Variants in KCNH3 observed in about 807,000 individuals in gnomAD.
KCNH3 encodes the protein voltage-gated inwardly rectifying potassium channel KCNH3.
In KCNH3, 36 loss-of-function variants were observed where a neutral mutation model predicts 95.6. That is an observed-to-expected ratio of 0.38 (90% CI 0.29 to 0.50). The LOEUF (loss-of-function observed/expected upper bound fraction) is 0.50. Among genes scored for constraint, KCNH3 ranks in the 20% least tolerant of loss-of-function variants. KCNH3 has a pLI of 0.95. For missense variants in KCNH3, 1,030 were observed against 1,484.1 expected, an observed-to-expected ratio of 0.69 and a Z score of 5.03; for synonymous variants, 620 against 646.3, an observed-to-expected ratio of 0.96 and a Z score of 0.62.
chr12:49,539,519 C>A lies in KCNH3; in HGVS notation c.76+27C>A, dbSNP rs372185249. 25 of 1,574,262 alleles carry A rather than the reference C, an allele frequency of 1.6e-5. No individual in the cohort carries two copies. In the African/African-American group the frequency reaches 2.6e-4, roughly 17 times the overall value. On this transcript the variant is annotated intron_variant, in intron 1 of 14. Transcript: ENST00000257981. This position sits in a 1 kb window ranked among gnomAD's most constrained non-coding sequence, Gnocchi z 6.7. ...TGAGTCCGACCCTCGCCCACTTGCACCCGGGCCGCCGGACCCTCGCCAGGG... is the reference window on the plus strand; with the variant it reads ...TGAGTCCGACCCTCGCCCACTTGCAACCGGGCCGCCGGACCCTCGCCAGGG...
At chr12:49,549,318 T>C in intron 8 of KCNH3, 123 bp from the exon 9 acceptor site, 2 of 1,459,680 alleles carry the variant, frequency 1.4e-6, no homozygotes, top group Non-Finnish European at 1.9e-6. Flanking sequence ...TGGGGGAGAC[T>C]TCGCCCGCAC....
At chr12:49,545,724 A>G (rs1398235763) in intron 7 of KCNH3, among the ~76,000 whole-genome samples, 1 of 151,940 alleles carries the variant, frequency 6.6e-6, no homozygotes, top group Non-Finnish European at 1.5e-5. Flanking sequence ...TCCTTGGCAG[A>G]GTCACCAGGT....
intron 11 of KCNH3, among the ~76,000 whole-genome samples, chr12:49,555,058 G>A (rs17123778): frequency 1.3e-5 from 2 of 152,110 alleles, no homozygotes; most frequent in Non-Finnish European, 2.9e-5. Flanking sequence ...ACCTGGTAGA[G>A]GAGTGGTGGT....
In KCNH3 at chr12:49,557,882, G is replaced by C; in HGVS notation, c.3181G>C (p.Glu1061Gln). ...CTTGCCCTGGGACCCCCACAGCCTG[G>C]AGATGGTGCTTATTGGCTGCCATGG... is the stretch of plus-strand genomic sequence containing the variant. The part of the protein sequence containing the change: ...LALPWDPHSL[E>Q]MVLIGCHGSG... Residue 1061 changes from glutamate (E) to glutamine (Q), a missense_variant, in exon 15 of 15, where the codon GAG becomes CAG. Transcript: ENST00000257981. The C allele has an allele frequency of 6.4e-7, 1 of 1,556,340 alleles. No individual in the cohort carries two copies. The highest frequency in any genetic ancestry group is 8.7e-7 in the Non-Finnish European group (1 of 1,151,354).
intron 4 of KCNH3, 56 bp from the exon 5 acceptor site, chr12:49,543,219 C>G: frequency 6.3e-7 from 1 of 1,576,980 alleles, no homozygotes. Context: ...TCTATCCAAA[C>G]TCAGCCTGTG....
intron 8 of KCNH3, 61 bp downstream of exon 8, chr12:49,549,234 C>T: frequency 1.3e-6 from 2 of 1,522,854 alleles, no homozygotes; most frequent in East Asian, 4.6e-5. Context: ...GCAGGCGGCG[C>T]CGTCCCACTC....
At position 49,549,539 on chromosome 12, in the gene KCNH3, G is replaced by C; in HGVS notation, c.1567G>C (p.Asp523His). The change falls in exon 9 of 15, where the codon GAC becomes CAC. Residue 523 changes from aspartate (D) to histidine (H), a missense_variant. Around this residue, in one of 9 missense-constraint regions of KCNH3, gnomAD observed 160 missense variants for 316.2 expected, o/e 0.51. Transcript: ENST00000257981. Reference sequence around the variant, plus strand: ...CCACAGCCGCACGCGCGACCTGCGCGACTACATCCGCATCCACCGTATCCC... The same window carrying C: ...CCACAGCCGCACGCGCGACCTGCGCCACTACATCCGCATCCACCGTATCCC... ...LYHSRTRDLR[D>H]YIRIHRIPKP... 5 of 1,613,602 alleles carry C rather than the reference G, an allele frequency of 3.1e-6. No individual in the cohort carries two copies. Among genetic ancestry groups the C allele is most frequent in the Non-Finnish European group, 3.4e-6 (4 of 1,180,050 alleles).
Position 49,544,265 on chromosome 12 carries a change from G to C in KCNH3, c.1072G>C (p.Val358Leu), listed in dbSNP as rs750323158. The change falls in exon 7 of 15, where the codon GTG (valine) becomes CTG (leucine). Residue 358 changes from valine (V) to leucine (L), a missense_variant. Physicochemically the swap from Val to Leu is conservative, Grantham distance 32. This residue lies in a region of KCNH3 where 153 missense variants were observed against 288.5 expected (regional missense o/e 0.53). Coordinates refer to ENST00000257981, the MANE Select transcript of KCNH3 (RefSeq NM_012284.3). The part of the protein sequence containing the change: ...RLDRYSQYSA[V>L]VLTLLMAVFA... ...GGACCGGTACTCGCAGTACAGCGCC[G>C]TGGTGCTGACACTGCTCATGGCCGT... 4 of 1,608,464 alleles carry C rather than the reference G, an allele frequency of 2.5e-6. No homozygotes were observed. Among genetic ancestry groups the C allele is most frequent in the Admixed American group, 1.7e-5 (1 of 59,608 alleles).
At chr12:49,547,620 A>G (rs1245591993) in intron 7 of KCNH3, among the ~76,000 whole-genome samples, 8 of 152,288 alleles carry the variant, frequency 5.3e-5, no homozygotes. Context: ...TGGGGCCCCC[A>G]GCTCCTGGCA....
chr12:49,546,689 C>T (rs556725211), intron 7 of KCNH3, among the ~76,000 whole-genome samples: 17 of 152,306 alleles, frequency 1.1e-4, no homozygotes, highest in African/African-American at 3.1e-4. Flanking sequence ...GGCCTGACCC[C>T]GCCCACCTGG....
At chr12:49,544,141 T>TC in intron 6 of KCNH3, 34 bp from the exon 7 acceptor site, 19 of 1,413,242 alleles carry the variant, frequency 1.3e-5, no homozygotes, top group East Asian at 2.4e-5. Flanking sequence ...CCCGCTGACC[T>TC]CCCTCCCTCC....
At chr12:49,544,141 T>TACCAAA in intron 6 of KCNH3, 34 bp from the exon 7 acceptor site, 4 of 1,413,352 alleles carry the variant, frequency 2.8e-6, no homozygotes, top group Non-Finnish European at 3.9e-6. Context: ...CCCGCTGACC[T>TACCAAA]CCCTCCCTCC....
At chr12:49,548,305 A>G (rs1307855039) in intron 7 of KCNH3, among the ~76,000 whole-genome samples, 1 of 152,130 alleles carries the variant, frequency 6.6e-6, no homozygotes. Flanking sequence ...AGGGGCATAC[A>G]TGTGTCCTTG....
chr12:49,546,155 T>G (rs1244728538), intron 7 of KCNH3: 3 of 152,138 alleles, frequency 2.0e-5, no homozygotes, highest in African/African-American at 7.2e-5. Context: ...TGATCTGACA[T>G]TAAGAAGACC....
At chr12:49,554,037 T>C (rs1938348753) in intron 10 of KCNH3, among the ~76,000 whole-genome samples, 1 of 152,220 alleles carries the variant, frequency 6.6e-6, no homozygotes, top group Admixed American at 6.5e-5. Context: ...CTAGAACTGA[T>C]GTTCAGTCTC....
intron 12 of KCNH3, 114 bp from the exon 13 acceptor site, chr12:49,556,256 G>A (rs1938437406): frequency 3.8e-6 from 3 of 786,788 alleles, no homozygotes; most frequent in African/African-American, 1.7e-5. Flanking sequence ...TGGGCTCCTG[G>A]TCAGTTCCAC....
Position 49,550,324 on chromosome 12 carries a change from T to C in KCNH3, c.1913T>C (p.Ile638Thr). The change falls in exon 10 of 15, where the codon ATC becomes ACC. Residue 638 changes from isoleucine to threonine, a missense_variant. Around this residue, in one of 9 missense-constraint regions of KCNH3, gnomAD observed 160 missense variants for 316.2 expected, o/e 0.51. Coordinates refer to ENST00000257981, the MANE Select transcript of KCNH3 (RefSeq NM_012284.3). ...CTCAAGGGTGGCACCGTGCTCGCCA[T>C]CCTAGGTTTGTGAGGGTGGGAGAGA... The part of the protein sequence containing the change: ...EVLKGGTVLA[I>T]LGKGDLIGCE... 6.3e-7 allele frequency: 1 copy of C among 1,599,762 alleles called. No homozygotes were observed. Among genetic ancestry groups the C allele is most frequent in the Non-Finnish European group, 8.5e-7 (1 of 1,173,630 alleles).
Position 49,544,092 on chromosome 12 carries a change from CTGGG to C in KCNH3, c.981+29_981+32del, listed in dbSNP as rs761584834. The C allele has an allele frequency of 2.3e-5, 37 of 1,606,556 alleles. No individual in the cohort carries two copies. Among genetic ancestry groups the C allele is most frequent in the East Asian group, 6.7e-5 (3 of 44,650 alleles). On this transcript the variant is annotated intron_variant, in intron 6 of 14. Coordinates refer to ENST00000257981, the MANE Select transcript of KCNH3 (RefSeq NM_012284.3). ...AACGTGGTCAGTGTGGCTGGGCTGG[CTGGG>C]TGGGTGGGCTTGGCCAGGGGACAGG...
chr12:49,548,238 T>C (rs1938134744), intron 7 of KCNH3, among the ~76,000 whole-genome samples: 1 of 152,216 alleles, frequency 6.6e-6, no homozygotes, highest in Admixed American at 6.5e-5. Context: ...TGTACCTTTG[T>C]CCCTCTCCCA....
Sources: gnomAD v4.1 joint callset for allele counts (sites outside exome capture counted in the v4.1 genomes callset) on GRCh38, gnomAD v4.1.1 for gene constraint, gnomAD v4.1.1 regional missense constraint, Gnocchi (gnomAD v3.1) non-coding constraint, MANE v1.5 for transcripts, NCBI Gene and HGNC (gene_info 2026-07-23, HGNC 2026-07-21) for gene names.